Variants in WWC1 observed in about 807,000 individuals in gnomAD.
The protein encoded by WWC1 is protein KIBRA.
In WWC1, 55 loss-of-function variants were observed where a neutral mutation model predicts 138.4. The observed-to-expected ratio is 0.40, with a 90% CI of 0.32 to 0.50. The LOEUF (loss-of-function observed/expected upper bound fraction) is 0.50. WWC1 is among the 20% of genes least tolerant of loss of function. The pLI is 0.72. For missense variants in WWC1, 1,226 were observed against 1,420.4 expected, an observed-to-expected ratio of 0.86 and a Z score of 2.20; for synonymous variants, 524 against 564.9, an observed-to-expected ratio of 0.93 and a Z score of 1.03.
intron 5 of WWC1, among the ~76,000 whole-genome samples, chr5:168,401,713 G>A (rs975114311): frequency 5.9e-5 from 9 of 152,094 alleles, no homozygotes; most frequent in African/African-American, 1.4e-4. Context: ...TTACATCTAC[G>A]TTATATACGT....
chr5:168,455,491 C>A lies in WWC1; in HGVS notation c.2794C>A (p.Pro932Thr). 1 of 1,613,118 alleles carries A rather than the reference C, an allele frequency of 6.2e-7. No homozygotes were observed. Among genetic ancestry groups the A allele is most frequent in the Non-Finnish European group, 8.5e-7 (1 of 1,179,572 alleles). ...STIIRSKTFS[P>T]GPQSQYVCRL... ...CATCATCCGCTCTAAGACCTTCTCC[C>A]CAGGACCCCAGAGCCAGTACGTGTG... The change falls in exon 19 of 23, where the codon CCA becomes ACA. Residue 932 changes from proline to threonine, a missense_variant. Pro to Thr is a conservative substitution (Grantham distance 38). Around this residue, in one of 3 missense-constraint regions of WWC1, gnomAD observed 206 missense variants for 247.4 expected, o/e 0.83. Coordinates refer to ENST00000265293, the MANE Select transcript of WWC1 (RefSeq NM_015238.3).
intron 5 of WWC1, among the ~76,000 whole-genome samples, chr5:168,401,782 C>G (rs1438338220): frequency 6.6e-6 from 1 of 152,174 alleles, no homozygotes; most frequent in African/African-American, 2.4e-5. Context: ...GGATTCTGAA[C>G]TTTTTAAGGC....
intron 1 of WWC1, among the ~76,000 whole-genome samples, chr5:168,344,040 C>T (rs574358283): frequency 1.1e-4 from 17 of 152,244 alleles, no homozygotes; most frequent in African/African-American, 4.1e-4. Flanking sequence ...TCATGCAGCT[C>T]ACCCAAACAG....
intron 1 of WWC1, among the ~76,000 whole-genome samples, chr5:168,337,702 CAAAG>C (rs1011550384): frequency 1.3e-5 from 2 of 152,212 alleles, no homozygotes; most frequent in Admixed American, 6.5e-5. Context: ...ATTCAATGAC[CAAAG>C]AAAGAAAGAA....
At chr5:168,401,071 A>G (rs1779272293) in intron 5 of WWC1, among the ~76,000 whole-genome samples, 1 of 151,582 alleles carries the variant, frequency 6.6e-6, no homozygotes, top group African/African-American at 2.4e-5. Context: ...AGTCTGGTTG[A>G]CAAAGTGAGA....
intron 10 of WWC1, 137 bp from the exon 11 acceptor site, chr5:168,423,396 T>C: frequency 1.1e-6 from 1 of 932,820 alleles, no homozygotes; most frequent in Non-Finnish European, 1.6e-6. Flanking sequence ...TTCCATGAAG[T>C]GGGGGTGAAG....
chr5:168,409,856 C>A, intron 7 of WWC1, 66 bp from the exon 8 acceptor site: 1 of 1,565,272 alleles, frequency 6.4e-7, no homozygotes, highest in Non-Finnish European at 8.8e-7. Flanking sequence ...CTCATGAGCC[C>A]TCGAAACCCA....
At position 168,469,637 on chromosome 5, in the gene WWC1, A is replaced by G. The variant is rs570308914; in HGVS notation, c.*620A>G. The G allele has an allele frequency of 2.0e-5, 3 of 152,652 alleles. No homozygotes were observed. The highest frequency in any genetic ancestry group is 4.8e-5 in the African/African-American group (2 of 41,444). 9.5% of individuals were successfully genotyped at this position (152,652 alleles called of 1,614,324 possible). A position where few individuals can be genotyped will look rare whatever the true frequency, so the allele number is the denominator to read the frequency against. On this transcript the variant is annotated 3_prime_UTR_variant, in exon 23 of 23. Coordinates refer to ENST00000265293, the MANE Select transcript of WWC1 (RefSeq NM_015238.3). Reference sequence around the variant, plus strand: ...CTGGGTGGGCTAAGCAGCCTAGTCTATGTGGGTGACAGGCCACGCTGGTCT... The same window carrying G: ...CTGGGTGGGCTAAGCAGCCTAGTCTGTGTGGGTGACAGGCCACGCTGGTCT...
chr5:168,441,947 G>A, intron 16 of WWC1, 113 bp downstream of exon 16: 2 of 1,407,152 alleles, frequency 1.4e-6, no homozygotes, highest in South Asian at 1.6e-5. Context: ...GAACAATGGG[G>A]TGGAGGAAGT....
At chr5:168,295,382 G>T (rs1048753505) in intron 1 of WWC1, among the ~76,000 whole-genome samples, 1 of 152,054 alleles carries the variant, frequency 6.6e-6, no homozygotes, top group Admixed American at 6.6e-5. Flanking sequence ...AACTTATTCC[G>T]GGGGGTGGTG....
intron 5 of WWC1, 79 bp downstream of exon 5, chr5:168,399,646 C>A: frequency 7.4e-7 from 1 of 1,344,888 alleles, no homozygotes; most frequent in South Asian, 1.2e-5. Flanking sequence ...TCTCTCTCTC[C>A]TTCAGTCCCT....
chr5:168,368,775 A>G (rs1348699728), intron 1 of WWC1, among the ~76,000 whole-genome samples: 1 of 152,212 alleles, frequency 6.6e-6, no homozygotes, highest in African/African-American at 2.4e-5. Context: ...GGAACAAACC[A>G]CTTAAAAAAC....
At chr5:168,392,038 A>T (rs999356939) in intron 3 of WWC1, among the ~76,000 whole-genome samples, 4 of 152,172 alleles carry the variant, frequency 2.6e-5, no homozygotes, top group African/African-American at 9.6e-5. Context: ...GTTGTTTCTA[A>T]GACAATTAGA....
intron 2 of WWC1, among the ~76,000 whole-genome samples, chr5:168,374,478 T>G (rs1777020620): frequency 6.6e-6 from 1 of 151,976 alleles, no homozygotes; most frequent in Non-Finnish European, 1.5e-5. Flanking sequence ...AAAGCATAGA[T>G]AGAAGAAGAA....
Position 168,423,631 on chromosome 5 carries a change from C to T in WWC1, c.1373C>T (p.Thr458Ile), listed in dbSNP as rs769829405. 3.7e-6 allele frequency: 6 copies of T among 1,614,204 alleles called. No individual in the cohort carries two copies. In the East Asian group the frequency reaches 1.3e-4, roughly 36 times the overall value. Residue 458 changes from threonine to isoleucine, a missense_variant, in exon 11 of 23, where the codon ACT becomes ATT. Transcript: ENST00000265293. ...GTTGCATCCAGCCTGGACTCCTCCA[C>T]TTCAGCCAGCTTCACTGACCTCTAC... ...SLVASSLDSS[T>I]SASFTDLYYD...
chr5:168,412,747 A>C (rs755578036), intron 8 of WWC1, among the ~76,000 whole-genome samples: 8 of 149,964 alleles, frequency 5.3e-5, no homozygotes, highest in Non-Finnish European at 1.0e-4. Flanking sequence ...AAACAATACA[A>C]ATTTTTAAAT....
At chr5:168,413,000 C>T (rs1780343426) in intron 8 of WWC1, among the ~76,000 whole-genome samples, 1 of 152,136 alleles carries the variant, frequency 6.6e-6, no homozygotes, top group Non-Finnish European at 1.5e-5. Context: ...GGGGAACAAG[C>T]AAATCTAGGT....
intron 9 of WWC1, chr5:168,415,063 G>A (rs1253989411): frequency 6.0e-6 from 1 of 167,260 alleles, no homozygotes; most frequent in East Asian, 1.7e-4. Context: ...TTCACCCCAT[G>A]CTAAGTAAGG....
intron 1 of WWC1, among the ~76,000 whole-genome samples, chr5:168,314,439 C>G (rs1771395605): frequency 6.6e-6 from 1 of 152,004 alleles, no homozygotes; most frequent in Non-Finnish European, 1.5e-5. Context: ...TGGTGGTGCA[C>G]ACCTGTAATC....
Sources: gnomAD v4.1 joint callset for allele counts (sites outside exome capture counted in the v4.1 genomes callset) on GRCh38, gnomAD v4.1.1 for gene constraint, gnomAD v4.1.1 regional missense constraint, MANE v1.5 for transcripts, NCBI Gene and HGNC (gene_info 2026-07-23, HGNC 2026-07-21) for gene names.